FBN2: variants seen among roughly 807,000 people sequenced by gnomAD.
FBN2 encodes the protein fibrillin-2.
In FBN2, 105 loss-of-function variants were observed where a neutral mutation model predicts 355.6. The ratio of observed to expected loss-of-function variants is 0.30; its 90% CI spans 0.25 to 0.35. The LOEUF (loss-of-function observed/expected upper bound fraction) is 0.35. Among genes scored for constraint, FBN2 ranks in the 10% least tolerant of loss-of-function variants. The pLI, the probability that FBN2 is intolerant of heterozygous loss-of-function variation, is 1.00. For missense variants in FBN2, 3,280 were observed against 3,758.7 expected, an observed-to-expected ratio of 0.87 and a Z score of 3.33; for synonymous variants, 1,350 against 1,301.2, an observed-to-expected ratio of 1.04 and a Z score of -0.81.
intron 5 of FBN2, among the ~76,000 whole-genome samples, chr5:128,470,380 G>C (rs1382733237): frequency 6.6e-6 from 1 of 152,160 alleles, no homozygotes; most frequent in Non-Finnish European, 1.5e-5. Flanking sequence ...AAGACAATGA[G>C]TACAACCAGA....
At chr5:128,438,050 G>C (rs1753820456) in intron 7 of FBN2, among the ~76,000 whole-genome samples, 1 of 152,156 alleles carries the variant, frequency 6.6e-6, no homozygotes, top group Non-Finnish European at 1.5e-5. Flanking sequence ...GAGTGCAGTG[G>C]CATGATCCCA....
At chr5:128,402,500 A>G (rs1752823367) in intron 8 of FBN2, among the ~76,000 whole-genome samples, 1 of 152,184 alleles carries the variant, frequency 6.6e-6, no homozygotes, top group African/African-American at 2.4e-5. Context: ...AGGTACACTT[A>G]TCAGAGTTTG....
chr5:128,455,990 C>CAAAAAAAAAAAAAAAA lies in FBN2; in HGVS notation c.826+8718_826+8733dup, dbSNP rs70997371. Among the ~76,000 whole-genome samples, 51 of 25,276 alleles carry CAAAAAAAAAAAAAAAA rather than the reference C, an allele frequency of 2.0e-3. 16 individuals are homozygous for CAAAAAAAAAAAAAAAA. The highest frequency in any genetic ancestry group is 3.4e-3 in the Non-Finnish European group (43 of 12,632). 16.6% of individuals were successfully genotyped at this position (25,276 alleles called of 152,430 possible). A position where few individuals can be genotyped will look rare whatever the true frequency, so the allele number is the denominator to read the frequency against. On this transcript the variant is annotated intron_variant, in intron 6 of 64. Transcript: ENST00000262464. ...GAGCTCCTTGGGGGAGGGTTAGCAA[C>CAAAAAAAAAAAAAAAA]AAAAAAAAAAAAAAAAAAAAAAAAA...
At chr5:128,478,422 G>T (rs1421542929) in intron 5 of FBN2, among the ~76,000 whole-genome samples, 2 of 152,004 alleles carry the variant, frequency 1.3e-5, no homozygotes, top group African/African-American at 4.8e-5. Context: ...TTTTCTTTTG[G>T]TAACCTTTAA....
chr5:128,509,803 C>T (rs1254157883), intron 5 of FBN2, among the ~76,000 whole-genome samples: 1 of 152,112 alleles, frequency 6.6e-6, no homozygotes, highest in Admixed American at 6.5e-5. Flanking sequence ...TAATTGTTCT[C>T]CACTATTGAG....
rs1216816734 is a variant in FBN2, at chr5:128,271,940, T to G, written c.7960+59A>C. ...TCTCAACCCTCACAATTTGTTCATC[T>G]TATTCAGAGACACTTTCAGGTGAGA... On this transcript the variant is annotated intron_variant, in intron 62 of 64. Coordinates refer to ENST00000262464, the MANE Select transcript of FBN2 (RefSeq NM_001999.4). 2.5e-6 allele frequency: 4 copies of G among 1,601,970 alleles called. No homozygotes were observed. In the African/African-American group the frequency reaches 4.0e-5, roughly 16 times the overall value.
In FBN2 at chr5:128,371,513, T is replaced by TCCA. The variant is rs1561423352; in HGVS notation, c.2096-2180_2096-2179insTGG. ...CTTCCCTCCCTCCCTCCCTCCATCC[T>TCCA]TCCTTCCTTCCTTCCTTCCTTCTGT... is the stretch of plus-strand genomic sequence containing the variant. On this transcript the variant is annotated intron_variant, in intron 15 of 64. Transcript: ENST00000262464. 1.9e-3 allele frequency among the ~76,000 whole-genome samples: 230 copies of TCCA among 122,144 alleles called. 1 individual carries two copies. Among genetic ancestry groups the TCCA allele is most frequent in the African/African-American group, 6.8e-3 (218 of 31,848 alleles). The allele number at this position is 122,144 out of a possible 152,430, so 80.1% of individuals were successfully genotyped here.
At chr5:128,398,944 TC>T (rs1581264106) in intron 8 of FBN2, among the ~76,000 whole-genome samples, 1 of 152,172 alleles carries the variant, frequency 6.6e-6, no homozygotes, top group South Asian at 2.1e-4. Flanking sequence ...ATGTGAGGCC[TC>T]CCCAGCCATA....
At chr5:128,525,339 C>T (rs983867045) in intron 4 of FBN2, among the ~76,000 whole-genome samples, 1 of 152,088 alleles carries the variant, frequency 6.6e-6, no homozygotes, top group African/African-American at 2.4e-5. Context: ...TTTCTAAGGC[C>T]TAAAAATATA....
chr5:128,458,767 C>T (rs373441588), intron 6 of FBN2, among the ~76,000 whole-genome samples: 24 of 152,154 alleles, frequency 1.6e-4, no homozygotes, highest in African/African-American at 5.8e-4. Context: ...AAAGAGACAA[C>T]GTACCAGAAT....
chr5:128,263,357 G>T (rs947433266), intron 63 of FBN2, 68 bp downstream of exon 63: 40 of 1,170,906 alleles, frequency 3.4e-5, no homozygotes, highest in Non-Finnish European at 4.6e-5. Context: ...TCCCTGCAGT[G>T]GGGGGTGGCC....
At chr5:128,477,815 T>TG (rs1490319117) in intron 5 of FBN2, among the ~76,000 whole-genome samples, 1 of 152,166 alleles carries the variant, frequency 6.6e-6, no homozygotes, top group Non-Finnish European at 1.5e-5. Context: ...GCGAGGGGGC[T>TG]GGGGGGAGTT....
chr5:128,361,717 T>C lies in FBN2; in HGVS notation c.2554+6A>G, dbSNP rs766504387. 1 of 1,614,158 alleles carries C rather than the reference T, an allele frequency of 6.2e-7. No homozygotes were observed. Among genetic ancestry groups the C allele is most frequent in the Non-Finnish European group, 8.5e-7 (1 of 1,179,984 alleles). ...GCACAAATAAGGCGATGAAGACAGC[T>C]CTTACCTTCACAGGTCTCTGTCTCA... On this transcript the variant is annotated splice_donor_region_variant and intron_variant, in intron 19 of 64. Transcript: ENST00000262464.
chr5:128,376,440 G>T (rs1370156585), intron 14 of FBN2, among the ~76,000 whole-genome samples: 1 of 152,090 alleles, frequency 6.6e-6, no homozygotes, highest in Non-Finnish European at 1.5e-5. Flanking sequence ...ATTCAGCCAA[G>T]CAGTTGAGAG....
intron 7 of FBN2, among the ~76,000 whole-genome samples, chr5:128,433,396 A>G (rs1465822155): frequency 4.6e-5 from 7 of 152,224 alleles, no homozygotes; most frequent in Admixed American, 4.6e-4. Context: ...ATAACATTCA[A>G]ATACTTAATA....
chr5:128,513,739 G>A (rs1343287088), intron 5 of FBN2, among the ~76,000 whole-genome samples: 1 of 152,124 alleles, frequency 6.6e-6, no homozygotes, highest in Admixed American at 6.5e-5. Context: ...ACAACACCAA[G>A]CGTCTCCACT....
chr5:128,357,322 T>C lies in FBN2; in HGVS notation c.2628A>G (p.Glu876=), dbSNP rs181490171. 3 of 1,613,968 alleles carry C rather than the reference T, an allele frequency of 1.9e-6. No individual in the cohort carries two copies. Among genetic ancestry groups the C allele is most frequent in the East Asian group, 4.5e-5 (2 of 44,866 alleles). ...CRNNLGSFNC[E]CSPGSKLSST... ...AGCTGAGTTTGCTGCCGGGCGAACA[T>C]TCACAATTGAAAGATCCAAGGTTGT... Residue 876 remains glutamate, a synonymous_variant, in exon 20 of 65, where the codon GAA becomes GAG. Transcript: ENST00000262464.
At chr5:128,456,609 T>G (rs182138810) in intron 6 of FBN2, among the ~76,000 whole-genome samples, 1 of 152,050 alleles carries the variant, frequency 6.6e-6, no homozygotes, top group Non-Finnish European at 1.5e-5. Context: ...TGCGGCTCTC[T>G]AGTCTCCTTG....
At chr5:128,447,476 G>A (rs10071920) in intron 6 of FBN2, among the ~76,000 whole-genome samples, 11,597 of 152,212 alleles carry the variant, frequency 0.076, 498 homozygotes, top group Non-Finnish European at 0.094. Flanking sequence ...GGCGTACTAT[G>A]TACCAGGATG....
Sources: allele counts gnomAD v4.1 joint callset (sites outside exome capture counted in the v4.1 genomes callset), GRCh38; gene constraint gnomAD v4.1.1; transcripts MANE v1.5; gene names NCBI Gene and HGNC (gene_info 2026-07-23, HGNC 2026-07-21).